The following MYO7B variants were observed in gnomAD, a reference collection of about 807,000 sequenced individuals.
MYO7B encodes the protein myosin VIIB.
Under a neutral mutation model 259.7 loss-of-function variants are expected in MYO7B, and 212 were observed. The ratio of observed to expected loss-of-function variants is 0.82; its 90% CI spans 0.73 to 0.91. The LOEUF is 0.91. Ranked by LOEUF, MYO7B falls within the 40% of genes least tolerant of loss-of-function variation. MYO7B has a pLI of 0.00. For synonymous variants in MYO7B, 1,197 were observed against 1,166.4 expected, an observed-to-expected ratio of 1.03 and a Z score of -0.54; for missense variants, 2,732 against 2,813.5, an observed-to-expected ratio of 0.97 and a Z score of 0.66.
chr2:127,623,997 G>C, intron 29 of MYO7B, 96 bp from the exon 30 acceptor site: 1 of 1,196,734 alleles, frequency 8.4e-7, no homozygotes, highest in South Asian at 1.5e-5. Flanking sequence ...AAGGGCCCCA[G>C]GCCCTGTCTT....
rs111336524 is a variant in MYO7B, at chr2:127,624,607, C to T, written c.4047+287C>T. On this transcript the variant is annotated intron_variant, in intron 30 of 47. Transcript: ENST00000409816. ...TTTATGGGGCAGTGAGATCTGGTGGCCAAGAACATGGCCTTGGAGCCCTAA... is the reference window on the plus strand; with the variant it reads ...TTTATGGGGCAGTGAGATCTGGTGGTCAAGAACATGGCCTTGGAGCCCTAA... Among the ~76,000 whole-genome samples, 982 of 152,326 alleles carry T rather than the reference C, an allele frequency of 6.4e-3. 12 individuals are homozygous for T. Among genetic ancestry groups the T allele is most frequent in the African/African-American group, 0.021 (890 of 41,576 alleles).
At chr2:127,578,036 A>G (rs1479841561) in intron 8 of MYO7B, 97 bp from the exon 9 acceptor site, 5 of 1,455,234 alleles carry the variant, frequency 3.4e-6, no homozygotes, top group Non-Finnish European at 4.7e-6. Context: ...TGGTCCACCC[A>G]TTGCCTATGA....
Position 127,579,961 on chromosome 2 carries a change from G to T in MYO7B, c.1004-785G>T, listed in dbSNP as rs544466194. ...TATGTAGGGAATAAAAAGCTAGGAA[G>T]TTAGAAGTCGGGAGGGTGCTTACCT... On this transcript the variant is annotated intron_variant, in intron 9 of 47. Transcript: ENST00000409816. Among the ~76,000 whole-genome samples the T allele has an allele frequency of 2.6e-5, 4 of 152,244 alleles. No homozygotes were observed. The East Asian group carries it at 5.8e-4, about 22-fold the overall frequency.
At position 127,588,511 on chromosome 2, in the gene MYO7B, C is replaced by G. The variant is rs1679391406; in HGVS notation, c.1810C>G (p.His604Asp). ...GGAGTTAGCAGAGACCAAGCTGGGC[C>G]ATGGGACCATCCGCCAGGCAAAGGC... ...NLELAETKLG[H>D]GTIRQAKAGN... is the part of the protein sequence containing the mutation. Residue 604 changes from histidine to aspartate, a missense_variant, in exon 15 of 48, where the codon CAT becomes GAT. His to Asp is a moderately conservative substitution (Grantham distance 81, BLOSUM62 -1). Around this residue, in one of 3 missense-constraint regions of MYO7B, gnomAD observed 1,906 missense variants for 2,026.4 expected, o/e 0.94. Coordinates refer to ENST00000409816, the MANE Select transcript of MYO7B (RefSeq NM_001393586.1). 2 of 1,613,266 alleles carry G rather than the reference C, an allele frequency of 1.2e-6. No individual in the cohort carries two copies. The highest frequency in any genetic ancestry group is 1.7e-6 in the Non-Finnish European group (2 of 1,179,856).
Position 127,581,895 on chromosome 2 carries a change from A to T in MYO7B, c.1085A>T (p.Gln362Leu). ...FPTVMKLLEV[Q>L]HQELRDCLIK... is the part of the protein sequence containing the mutation. ...AGCCCCCACCTGCCTCCCCAGGTGC[A>T]GCACCAGGAGCTCCGGGACTGTCTG... Residue 362 changes from glutamine (Q) to leucine (L), a missense_variant, in exon 11 of 48, where the codon CAG (glutamine) becomes CTG (leucine). By Grantham distance (113) the Gln-to-Leu change is moderately radical (BLOSUM62 -2). Around this residue, in one of 3 missense-constraint regions of MYO7B, gnomAD observed 1,906 missense variants for 2,026.4 expected, o/e 0.94. Coordinates refer to ENST00000409816, the MANE Select transcript of MYO7B (RefSeq NM_001393586.1). 1 of 1,613,738 alleles carries T rather than the reference A, an allele frequency of 6.2e-7. No individual in the cohort carries two copies. Among genetic ancestry groups the T allele is most frequent in the Non-Finnish European group, 8.5e-7 (1 of 1,179,832 alleles).
In MYO7B at chr2:127,620,444, C is replaced by T. The variant is rs369987716; in HGVS notation, c.3503C>T (p.Pro1168Leu). ...CTCAGCCTCTGCCTCGGCTGCTTCC[C>T]ACCCTCAGAGAGGTTCATGAAGGTG... Reference protein sequence around the residue: ...ILLSLCLGCFPPSERFMKYLL... With the variant: ...ILLSLCLGCFLPSERFMKYLL... Residue 1168 changes from proline to leucine, a missense_variant, in exon 27 of 48, where the codon CCA becomes CTA. By Grantham distance (98) the Pro-to-Leu change is moderately conservative. Coordinates refer to ENST00000409816, the MANE Select transcript of MYO7B (RefSeq NM_001393586.1). The T allele has an allele frequency of 5.0e-6, 8 of 1,605,288 alleles. No homozygotes were observed. The highest frequency in any genetic ancestry group is 6.8e-6 in the Non-Finnish European group (8 of 1,173,808).
In MYO7B at chr2:127,635,175, C is replaced by A. The variant is rs766808124; in HGVS notation, c.5769C>A (p.Asn1923Lys). The A allele has an allele frequency of 2.5e-6, 4 of 1,613,690 alleles. No individual in the cohort carries two copies. The South Asian group carries it at 4.4e-5, about 18-fold the overall frequency. Residue 1923 changes from asparagine (N) to lysine (K), a missense_variant, in exon 43 of 48, where the codon AAC (asparagine) becomes AAA (lysine). Physicochemically the swap from Asn to Lys is moderately conservative, Grantham distance 94. Coordinates refer to ENST00000409816, the MANE Select transcript of MYO7B (RefSeq NM_001393586.1). ...QVYFMRKLWL[N>K]ISPGKDVNAD... ...ACTTCATGCGGAAATTGTGGCTCAACATATCTCCAGGGAAGGATGTGAATG... is the reference window on the plus strand; with the variant it reads ...ACTTCATGCGGAAATTGTGGCTCAAAATATCTCCAGGGAAGGATGTGAATG...
intron 1 of MYO7B, among the ~76,000 whole-genome samples, chr2:127,540,313 G>A (rs1210407364): frequency 1.3e-5 from 2 of 151,812 alleles, no homozygotes; most frequent in African/African-American, 4.8e-5. Flanking sequence ...ATAGATGCCC[G>A]CCACCACACC....
Position 127,612,478 on chromosome 2 carries a change from G to A in MYO7B, c.3273G>A (p.Val1091=), listed in dbSNP as rs1467224765. 1 of 1,553,130 alleles carries A rather than the reference G, an allele frequency of 6.4e-7. No individual in the cohort carries two copies. Among genetic ancestry groups the A allele is most frequent in the South Asian group, 1.2e-5 (1 of 84,112 alleles). Residue 1091 remains valine, a splice_region_variant and synonymous_variant, in exon 26 of 48, where the codon GTG becomes GTA. Transcript: ENST00000409816. ...LKRSSRITGQ[V]ASQLNIGEEA... ...GATGGCTGCCTTTGGGTTTCAAGGT[G>A]GCCAGCCAGCTGAACATTGGAGAGG...
rs1573605638 is a variant in MYO7B, at chr2:127,546,154, C to T, written c.-24+10323C>T. Among the ~76,000 whole-genome samples the T allele has an allele frequency of 6.6e-6, 1 of 152,234 alleles. No individual in the cohort carries two copies. Among genetic ancestry groups the T allele is most frequent in the South Asian group, 2.1e-4 (1 of 4,834 alleles). ...AGATGCCCTTTCTGCCCAAAGAACA[C>T]TCAGACCCCTTTGGAGGGCAAAGCT... On this transcript the variant is annotated intron_variant, in intron 1 of 47. Coordinates refer to ENST00000409816, the MANE Select transcript of MYO7B (RefSeq NM_001393586.1). The surrounding 1 kb of genome is among the most constrained non-coding windows in gnomAD (Gnocchi z 4.2).
At position 127,589,462 on chromosome 2, in the gene MYO7B, G is replaced by A. The variant is rs114950198; in HGVS notation, c.1855-630G>A. Among the ~76,000 whole-genome samples the A allele has an allele frequency of 9.6e-3, 1,452 of 151,278 alleles. 12 individuals are homozygous for A. The highest frequency in any genetic ancestry group is 0.034 in the Middle Eastern group (10 of 294). ...TCTGGGGGGTCCAGAGTTTAGATAG[G>A]AGAAGTGACTTTGTGCTGGGTAGAT... On this transcript the variant is annotated intron_variant, in intron 15 of 47. Coordinates refer to ENST00000409816, the MANE Select transcript of MYO7B (RefSeq NM_001393586.1).
chr2:127,596,613 C>T (rs1679779745), intron 19 of MYO7B, 57 bp downstream of exon 19: 2 of 1,393,960 alleles, frequency 1.4e-6, no homozygotes, highest in Non-Finnish European at 2.0e-6. Context: ...TGTCCCCACA[C>T]AGGCCTGCAG....
Position 127,577,767 on chromosome 2 carries a change from C to A in MYO7B, c.850-366C>A, listed in dbSNP as rs565916661. ...CGGTCACTGGCTCCCTGCCTGCCCC[C>A]CTGGATGCGCAGCACAGGGCCTGGC... On this transcript the variant is annotated intron_variant, in intron 8 of 47. Coordinates refer to ENST00000409816, the MANE Select transcript of MYO7B (RefSeq NM_001393586.1). The surrounding 1 kb of genome is among the most constrained non-coding windows in gnomAD (Gnocchi z 5.2). 2.0e-5 allele frequency among the ~76,000 whole-genome samples: 3 copies of A among 152,368 alleles called. No individual in the cohort carries two copies. Among genetic ancestry groups the A allele is most frequent in the South Asian group, 4.1e-4 (2 of 4,830 alleles).
chr2:127,590,047 A>G lies in MYO7B; in HGVS notation c.1855-45A>G, dbSNP rs960083191. 3.2e-6 allele frequency: 5 copies of G among 1,550,138 alleles called. No homozygotes were observed. The Admixed American group carries it at 5.9e-5, about 18-fold the overall frequency. On this transcript the variant is annotated intron_variant, in intron 15 of 47. Transcript: ENST00000409816. The surrounding 1 kb of genome is among the most constrained non-coding windows in gnomAD (Gnocchi z 4.6). ...GGCCTACAGGGTCAGCTGTCCCAGG[A>G]CATGGCTCCTGAGACCCACTTGTGC...
At chr2:127,582,809 A>T (rs1679157487) in intron 12 of MYO7B, among the ~76,000 whole-genome samples, 1 of 152,220 alleles carries the variant, frequency 6.6e-6, no homozygotes, top group Non-Finnish European at 1.5e-5. Context: ...GGGAAGCTAG[A>T]AGCATTTGCA....
At chr2:127,637,105 AC>A in intron 47 of MYO7B, 192 bp downstream of exon 47, 2 of 1,094,330 alleles carry the variant, frequency 1.8e-6, no homozygotes, top group Non-Finnish European at 2.7e-6. Flanking sequence ...GCCAGGCGGG[AC>A]CCCCTGCGCC....
rs1037704329 is a variant in MYO7B at position 127,616,728 on chromosome 2, G to A, written c.3399-3612G>A. On this transcript the variant is annotated intron_variant, in intron 26 of 47. Coordinates refer to ENST00000409816, the MANE Select transcript of MYO7B (RefSeq NM_001393586.1). ...GGAGAGAGGGAATTAATGTGCCTCC[G>A]GAGACCCACCCCTGAAGCAGAGCTG... 7.2e-5 allele frequency among the ~76,000 whole-genome samples: 11 copies of A among 152,272 alleles called. No homozygotes were observed. The East Asian group carries it at 1.5e-3, about 21-fold the overall frequency.
intron 2 of MYO7B, among the ~76,000 whole-genome samples, chr2:127,561,200 C>A (rs1678071781): frequency 6.6e-6 from 1 of 152,092 alleles, no homozygotes; most frequent in African/African-American, 2.4e-5. Flanking sequence ...CTCTTGGGGC[C>A]CTATTACTCA....
chr2:127,617,951 C>T (rs1290866566), intron 26 of MYO7B, among the ~76,000 whole-genome samples: 1 of 151,432 alleles, frequency 6.6e-6, no homozygotes, highest in Non-Finnish European at 1.5e-5. Context: ...CAAGTTTCTC[C>T]TAGTCTTTGC....
Sources: gnomAD v4.1 joint callset for allele counts (sites outside exome capture counted in the v4.1 genomes callset) on GRCh38, gnomAD v4.1.1 for gene constraint, gnomAD v4.1.1 regional missense constraint, Gnocchi (gnomAD v3.1) non-coding constraint, MANE v1.5 for transcripts, NCBI Gene and HGNC (gene_info 2026-07-23, HGNC 2026-07-21) for gene names.